The following ATP6V0A4 variants were observed in gnomAD, a reference collection of about 807,000 sequenced individuals.
ATP6V0A4 encodes ATPase H+ transporting V0 subunit a4, also known as V-type proton ATPase 116 kDa subunit a 4.
A neutral mutation model predicts 107.3 loss-of-function variants in ATP6V0A4; 86 were observed. The ratio of observed to expected loss-of-function variants is 0.80; its 90% confidence interval spans 0.67 to 0.96. The LOEUF is 0.96. Ranked by LOEUF, ATP6V0A4 falls within the 40% of genes least tolerant of loss-of-function variation. ATP6V0A4 has a pLI of 0.00. For synonymous variants in ATP6V0A4, 353 were observed against 381.4 expected, an observed-to-expected ratio of 0.93 and a Z score of 0.87; for missense variants, 908 against 1,045.6, an observed-to-expected ratio of 0.87 and a Z score of 1.81.
chr7:138,780,525 A>G (rs1487004768), intron 2 of ATP6V0A4, among the ~76,000 whole-genome samples: 1 of 152,206 alleles, frequency 6.6e-6, no homozygotes, highest in Non-Finnish European at 1.5e-5. Context: ...TTGAGGGCTC[A>G]GTGTTGATCT....
chr7:138,745,216 G>A lies in ATP6V0A4; in HGVS notation c.1385C>T (p.Thr462Met), dbSNP rs368301208. 1.7e-5 allele frequency: 27 copies of A among 1,614,164 alleles called. No homozygotes were observed. The highest frequency in any genetic ancestry group is 1.5e-4 in the African/African-American group (11 of 75,036). ...ILLMGIFSIY[T>M]GLIYNDCFSK... ...GAAGCAGTCATTGTAGATCAAACCC[G>A]TGTAGATGGAGAAGATGCCCATAAG... Residue 462 changes from threonine (T) to methionine (M), a missense_variant, in exon 14 of 22, where the codon ACG becomes ATG. By Grantham distance (81) the Thr-to-Met change is moderately conservative (BLOSUM62 -1). Coordinates refer to ENST00000310018, the MANE Select transcript of ATP6V0A4 (RefSeq NM_020632.3).
intron 2 of ATP6V0A4, among the ~76,000 whole-genome samples, chr7:138,784,168 T>C (rs1020353120): frequency 3.3e-5 from 5 of 149,530 alleles, no homozygotes; most frequent in East Asian, 1.9e-4. Context: ...ATTTGTGCCA[T>C]TGAATTTTTT....
At chr7:138,769,726 A>G (rs1308575959) in intron 3 of ATP6V0A4, among the ~76,000 whole-genome samples, 1 of 152,182 alleles carries the variant, frequency 6.6e-6, no homozygotes, top group Non-Finnish European at 1.5e-5. Flanking sequence ...AACACACCTT[A>G]GTGTTCTTAC....
At chr7:138,739,166 T>A (rs1345974854) in intron 15 of ATP6V0A4, among the ~76,000 whole-genome samples, 1 of 152,148 alleles carries the variant, frequency 6.6e-6, no homozygotes, top group Non-Finnish European at 1.5e-5. Flanking sequence ...AAAAGGGAAA[T>A]GTTTCCCACT....
intron 12 of ATP6V0A4, among the ~76,000 whole-genome samples, chr7:138,748,804 A>G (rs566258912): frequency 7.9e-4 from 121 of 152,292 alleles, no homozygotes; most frequent in Non-Finnish European, 1.5e-3. Context: ...TTTCCCACAC[A>G]ATAACCACAG....
chr7:138,720,316 T>C (rs1804366473), intron 19 of ATP6V0A4, among the ~76,000 whole-genome samples: 1 of 152,194 alleles, frequency 6.6e-6, no homozygotes, highest in South Asian at 2.1e-4. Context: ...GGGAGACCCA[T>C]GTATGATTAG....
At chr7:138,754,895 T>C (rs1171822741) in intron 10 of ATP6V0A4, among the ~76,000 whole-genome samples, 1 of 152,132 alleles carries the variant, frequency 6.6e-6, no homozygotes, top group African/African-American at 2.4e-5. Context: ...CCCAAAGTGC[T>C]GGGATTATAG....
At chr7:138,722,055 G>T (rs747740460) in intron 18 of ATP6V0A4, 30 bp from the exon 19 acceptor site, 2 of 1,613,556 alleles carry the variant, frequency 1.2e-6, no homozygotes, top group African/African-American at 1.3e-5. Flanking sequence ...TGAGGAATGC[G>T]CTCAACTCAC....
chr7:138,771,069 G>T, intron 3 of ATP6V0A4, 62 bp downstream of exon 3: 1 of 1,453,506 alleles, frequency 6.9e-7, no homozygotes, highest in Non-Finnish European at 9.6e-7. Context: ...AAGAAGTGTT[G>T]TGCAAGAGTT....
intron 15 of ATP6V0A4, 80 bp downstream of exon 15, chr7:138,739,460 G>C: frequency 6.6e-7 from 1 of 1,522,418 alleles, no homozygotes; most frequent in Admixed American, 1.8e-5. Flanking sequence ...GACAGGCTTT[G>C]TTGGCCTTTT....
rs529181526 is a variant in ATP6V0A4 at position 138,714,947 on chromosome 7, C to T, written c.2257+817G>A. On this transcript the variant is annotated intron_variant, in intron 20 of 21. Coordinates refer to ENST00000310018, the MANE Select transcript of ATP6V0A4 (RefSeq NM_020632.3). ...CGGATTATCTGGATATGCCCAATGT[C>T]ATCACTAGAGTCTTTGTAAGAGGAA... Among the ~76,000 whole-genome samples, 381 of 152,286 alleles carry T rather than the reference C, an allele frequency of 2.5e-3. 1 individual carries two copies. Among genetic ancestry groups the T allele is most frequent in the African/African-American group, 8.4e-3 (351 of 41,556 alleles).
chr7:138,747,609 C>T lies in ATP6V0A4; in HGVS notation c.1181-45G>A, dbSNP rs150791653. The T allele has an allele frequency of 2.6e-3, 4,100 of 1,606,550 alleles. 86 individuals carry two copies. In the East Asian group the frequency reaches 0.063, roughly 25 times the overall value. ...AACGCCTGAGGCCTCAGCACAGCCTCGGGGCCCCCACCTCAGATTCCCTGC... is the reference window on the plus strand; with the variant it reads ...AACGCCTGAGGCCTCAGCACAGCCTTGGGGCCCCCACCTCAGATTCCCTGC... On this transcript the variant is annotated intron_variant, in intron 12 of 21. Transcript: ENST00000310018.
At chr7:138,749,006 C>G (rs1806094562) in intron 12 of ATP6V0A4, among the ~76,000 whole-genome samples, 161 bp downstream of exon 12, 1 of 152,206 alleles carries the variant, frequency 6.6e-6, no homozygotes, top group Non-Finnish European at 1.5e-5. Flanking sequence ...AATCCTACTA[C>G]TTGCCCCTAC....
rs6956646 is a variant in ATP6V0A4, at chr7:138,706,666, T to C, written c.2481A>G (p.Pro827=). 895 of 1,613,792 alleles carry C rather than the reference T, an allele frequency of 5.5e-4. 3 individuals are homozygous for C. The African/African-American group carries it at 8.5e-3, about 15-fold the overall frequency. Residue 827 remains proline, a synonymous_variant, in exon 22 of 22, where the codon CCA becomes CCG. Transcript: ENST00000310018. ...FYVGDGYKFS[P]FSFKHILDGT... is the part of the protein sequence containing the mutation. ...CATCCAGGATGTGTTTAAAGGAGAA[T>C]GGAGAAAACTTGTAACCATCCCCGA...
At chr7:138,707,051 A>C (rs1803407113) in intron 21 of ATP6V0A4, among the ~76,000 whole-genome samples, 2 of 85,990 alleles carry the variant, frequency 2.3e-5, no homozygotes, top group Non-Finnish European at 2.1e-5. Context: ...ATATACCACC[A>C]TGCCTAGCTA....
At chr7:138,710,251 G>T (rs983700168) in intron 20 of ATP6V0A4, among the ~76,000 whole-genome samples, 23 of 148,274 alleles carry the variant, frequency 1.6e-4, no homozygotes, top group African/African-American at 4.7e-4. Flanking sequence ...GAGTGCAATG[G>T]CGTGATCTTG....
intron 19 of ATP6V0A4, among the ~76,000 whole-genome samples, chr7:138,721,255 G>A (rs572827458): frequency 6.6e-6 from 1 of 152,146 alleles, no homozygotes. Flanking sequence ...GAGATCATAG[G>A]GGGCCAGGCA....
At chr7:138,768,013 A>C (rs1807179440) in intron 5 of ATP6V0A4, among the ~76,000 whole-genome samples, 1 of 152,120 alleles carries the variant, frequency 6.6e-6, no homozygotes, top group Non-Finnish European at 1.5e-5. Flanking sequence ...AGCTCAATGC[A>C]ACCTCTGCGT....
chr7:138,742,517 G>GTGTT lies in ATP6V0A4; in HGVS notation c.1478+2602_1478+2605dup, dbSNP rs375582932. Reference sequence around the variant, plus strand: ...AGCAGAACTAAGTGTAAGAATGAATGTGTTTGTTTGTTTGTTTGTTTGTTT... The same window carrying GTGTT: ...AGCAGAACTAAGTGTAAGAATGAATGTGTTTGTTTGTTTGTTTGTTTGTTTGTTT... On this transcript the variant is annotated intron_variant, in intron 14 of 21. Transcript: ENST00000310018. 5.7e-3 allele frequency among the ~76,000 whole-genome samples: 862 copies of GTGTT among 152,176 alleles called. 5 individuals are homozygous for GTGTT. The highest frequency in any genetic ancestry group is 0.01 in the African/African-American group (431 of 41,544).
Sources: allele counts gnomAD v4.1 joint callset (sites outside exome capture counted in the v4.1 genomes callset), GRCh38; gene constraint gnomAD v4.1.1; transcripts MANE v1.5; gene names NCBI Gene and HGNC (gene_info 2026-07-23, HGNC 2026-07-21).